The following MYO3B variants were observed in gnomAD, a reference collection of about 807,000 sequenced individuals.
MYO3B encodes the protein myosin IIIB, also known as myosin-IIIb.
In MYO3B, 156 loss-of-function variants were observed where a neutral mutation model predicts 174.6. That is an observed-to-expected ratio of 0.89 (90% CI 0.78 to 1.02). The LOEUF (loss-of-function observed/expected upper bound fraction) is 1.02, where lower values mean the gene tolerates loss of function less well. Among genes scored for constraint, MYO3B ranks in the 50% least tolerant of loss-of-function variants. The pLI is 0.00. For synonymous variants in MYO3B, 563 were observed against 569.1 expected, an observed-to-expected ratio of 0.99 and a Z score of 0.15; for missense variants, 1,632 against 1,639.4, an observed-to-expected ratio of 1.00 and a Z score of 0.08.
intron 6 of MYO3B, among the ~76,000 whole-genome samples, chr2:170,231,056 G>A (rs1295956541): frequency 1.3e-5 from 2 of 152,202 alleles, no homozygotes; most frequent in African/African-American, 2.4e-5. Context: ...GCTAAGGAAA[G>A]GAACAGCCAT....
chr2:170,438,539 T>A (rs1048986508), intron 22 of MYO3B, among the ~76,000 whole-genome samples: 11 of 152,206 alleles, frequency 7.2e-5, no homozygotes, highest in Non-Finnish European at 1.6e-4. Context: ...CCATTTTATA[T>A]TCCCCCCAAT....
intron 32 of MYO3B, among the ~76,000 whole-genome samples, chr2:170,562,905 A>C (rs76579774): frequency 0.019 from 2,658 of 142,420 alleles, 66 homozygotes; most frequent in East Asian, 0.088. Context: ...AAGGGAAACT[A>C]TGTGAGATGC....
At chr2:170,404,544 T>C (rs1558968324) in intron 20 of MYO3B, 144 bp downstream of exon 20, 8 of 775,028 alleles carry the variant, frequency 1.0e-5, no homozygotes, top group Non-Finnish European at 5.9e-6. Context: ...TTTCATTGAA[T>C]TGAAGTGTTG....
chr2:170,233,356 G>A (rs933038982), intron 6 of MYO3B, among the ~76,000 whole-genome samples: 3 of 152,150 alleles, frequency 2.0e-5, no homozygotes, highest in Non-Finnish European at 4.4e-5. Context: ...TCCCTCACAG[G>A]CCCTATCACA....
Position 170,515,016 on chromosome 2 carries a change from C to CTT in MYO3B, c.3466_3467insTT (p.His1156LeufsTer81). The CTT allele has an allele frequency of 6.2e-7, 1 of 1,613,580 alleles. No individual in the cohort carries two copies. The highest frequency in any genetic ancestry group is 1.1e-5 in the South Asian group (1 of 90,938). On this transcript the variant is annotated frameshift_variant, in exon 29 of 35. Transcript: ENST00000408978. LOFTEE classifies it high-confidence loss of function. ...TCAAGACTGCAGCGAGCCTGGTGAC[C>CTT]ATAAAGGTAGAGTCTTTCGAGATTT... is the stretch of plus-strand genomic sequence containing the variant.
At chr2:170,338,924 C>T (rs1322795157) in intron 8 of MYO3B, among the ~76,000 whole-genome samples, 2 of 152,178 alleles carry the variant, frequency 1.3e-5, no homozygotes, top group Non-Finnish European at 2.9e-5. Context: ...TCCTTTCATT[C>T]TGTAGAGGAG....
At chr2:170,629,265 T>C (rs1696733856) in intron 32 of MYO3B, among the ~76,000 whole-genome samples, 2 of 152,184 alleles carry the variant, frequency 1.3e-5, no homozygotes, top group African/African-American at 4.8e-5. Flanking sequence ...CCAGCCACCC[T>C]GATTACCCCT....
Position 170,234,044 on chromosome 2 carries a change from G to A in MYO3B, c.604-1947G>A, listed in dbSNP as rs561021821. Among the ~76,000 whole-genome samples, 68 of 150,182 alleles carry A rather than the reference G, an allele frequency of 4.5e-4. 3 individuals carry two copies. The South Asian group carries it at 0.014, about 30-fold the overall frequency. ...AAATTAGCCGGGCGTAGTGGCGGGC[G>A]CCTGTAGTCCCAGCTACTTGGGAGG... On this transcript the variant is annotated intron_variant, in intron 6 of 34. Coordinates refer to ENST00000408978, the MANE Select transcript of MYO3B (RefSeq NM_138995.5).
At chr2:170,333,806 C>G (rs376509970) in intron 7 of MYO3B, 14 of 152,182 alleles carry the variant, frequency 9.2e-5, no homozygotes, top group Admixed American at 8.5e-4. Context: ...ATTATTCTAC[C>G]CACATATGGT....
At chr2:170,294,471 G>T (rs1278391760) in intron 7 of MYO3B, among the ~76,000 whole-genome samples, 1 of 151,712 alleles carries the variant, frequency 6.6e-6, no homozygotes, top group Admixed American at 6.6e-5. Flanking sequence ...CTATATTTTT[G>T]AAGATTGATT....
At chr2:170,601,119 G>C (rs1694480370) in intron 32 of MYO3B, among the ~76,000 whole-genome samples, 1 of 151,872 alleles carries the variant, frequency 6.6e-6, no homozygotes, top group Admixed American at 6.6e-5. Flanking sequence ...TTCCCCTCAA[G>C]AAGAAAAATT....
chr2:170,527,852 T>C (rs943460189), intron 30 of MYO3B, among the ~76,000 whole-genome samples: 8 of 152,226 alleles, frequency 5.3e-5, no homozygotes, highest in African/African-American at 1.2e-4. Context: ...CCACATGAGA[T>C]AATAAACTTT....
chr2:170,622,793 A>G (rs1218410481), intron 32 of MYO3B, among the ~76,000 whole-genome samples: 1 of 139,488 alleles, frequency 7.2e-6, no homozygotes, highest in Non-Finnish European at 1.5e-5. Context: ...TCATTGTTCA[A>G]TTCCCACCTA....
At chr2:170,583,948 CTTTT>C (rs941453015) in intron 32 of MYO3B, among the ~76,000 whole-genome samples, 9 of 152,076 alleles carry the variant, frequency 5.9e-5, no homozygotes, top group African/African-American at 2.2e-4. Flanking sequence ...TACAAAAGAC[CTTTT>C]TTGTTTTCAA....
intron 32 of MYO3B, among the ~76,000 whole-genome samples, chr2:170,557,055 C>A (rs2106241800): frequency 6.6e-6 from 1 of 151,952 alleles, no homozygotes; most frequent in Non-Finnish European, 1.5e-5. Flanking sequence ...TGGATACAGT[C>A]CTACGTTAGA....
intron 32 of MYO3B, among the ~76,000 whole-genome samples, chr2:170,567,909 A>G (rs180819989): frequency 6.6e-6 from 1 of 152,348 alleles, no homozygotes; most frequent in Admixed American, 6.5e-5. Context: ...CTTTTTAAAG[A>G]AGTAGTAATA....
Position 170,387,092 on chromosome 2 carries a change from T to A in MYO3B, c.1375-14T>A. ...TTCTGGAGTCTCTTCTTGACCGTTC[T>A]CTGTTTGGCACAGGCCAATAATCAG... is the stretch of plus-strand genomic sequence containing the variant. On this transcript the variant is annotated splice_polypyrimidine_tract_variant and intron_variant, in intron 13 of 34. Transcript: ENST00000408978. 1 of 1,613,602 alleles carries A rather than the reference T, an allele frequency of 6.2e-7. No homozygotes were observed. Among genetic ancestry groups the A allele is most frequent in the Non-Finnish European group, 8.5e-7 (1 of 1,179,624 alleles).
intron 30 of MYO3B, among the ~76,000 whole-genome samples, chr2:170,542,507 A>C (rs1382047149): frequency 6.6e-6 from 1 of 152,188 alleles, no homozygotes; most frequent in African/African-American, 2.4e-5. Context: ...AACTTACTTG[A>C]TTACGGAATC....
intron 16 of MYO3B, among the ~76,000 whole-genome samples, chr2:170,397,436 C>A (rs2094447913): frequency 6.6e-6 from 1 of 152,112 alleles, no homozygotes; most frequent in Non-Finnish European, 1.5e-5. Flanking sequence ...AAGTACTTTT[C>A]TCTGTCTATA....
Sources: allele counts gnomAD v4.1 joint callset (sites outside exome capture counted in the v4.1 genomes callset), GRCh38; gene constraint gnomAD v4.1.1; transcripts MANE v1.5; gene names NCBI Gene and HGNC (gene_info 2026-07-23, HGNC 2026-07-21).